The following KIAA1328 variants were observed in gnomAD, a reference collection of about 807,000 sequenced individuals.
The protein encoded by KIAA1328 is protein hinderin.
In KIAA1328, 52 loss-of-function variants were observed where a neutral mutation model predicts 68.1. The ratio of observed to expected loss-of-function variants is 0.76; its 90% confidence interval spans 0.61 to 0.96. The LOEUF (loss-of-function observed/expected upper bound fraction) is 0.96, where lower values mean the gene tolerates loss of function less well. KIAA1328 is among the 40% of genes least tolerant of loss of function. KIAA1328 has a pLI of 0.00. For missense variants in KIAA1328, 641 were observed against 677.6 expected (o/e 0.95, Z 0.60); for synonymous variants, 232 against 239.4 (o/e 0.97, Z 0.28).
chr18:37,171,097 A>T (rs760088734), intron 8 of KIAA1328, among the ~76,000 whole-genome samples: 17 of 152,242 alleles, frequency 1.1e-4, no homozygotes, highest in African/African-American at 4.1e-4. Flanking sequence ...CTACAGTTAA[A>T]ATGAGTAAAT....
At chr18:36,868,565 G>T in intron 4 of KIAA1328, among the ~76,000 whole-genome samples, 1 of 152,106 alleles carries the variant, frequency 6.6e-6, no homozygotes, top group East Asian at 1.9e-4. Context: ...AGGTACCATA[G>T]ACTACCGCAC....
chr18:37,117,300 A>T (rs1352655143), intron 7 of KIAA1328, among the ~76,000 whole-genome samples: 1 of 152,204 alleles, frequency 6.6e-6, no homozygotes, highest in Non-Finnish European at 1.5e-5. Flanking sequence ...ACACCATGGA[A>T]TACTATGCAG....
At chr18:37,075,667 G>C (rs898765126) in intron 7 of KIAA1328, 2 of 152,094 alleles carry the variant, frequency 1.3e-5, no homozygotes, top group Admixed American at 6.6e-5. Context: ...AACAAAAAAA[G>C]GCAGAGGTTG....
intron 6 of KIAA1328, among the ~76,000 whole-genome samples, chr18:37,061,521 C>T (rs2056147015): frequency 6.6e-6 from 1 of 152,150 alleles, no homozygotes; most frequent in African/African-American, 2.4e-5. Context: ...TTCTAAGTTA[C>T]TGTTATATCT....
In KIAA1328 at chr18:37,182,502, A is replaced by C. The variant is rs546293048; in HGVS notation, c.1523+9421A>C. Among the ~76,000 whole-genome samples, 32 of 152,234 alleles carry C rather than the reference A, an allele frequency of 2.1e-4. 1 individual carries two copies. The South Asian group carries it at 3.5e-3, about 17-fold the overall frequency. ...ATGATTAAGTAGGATAGTTTATGTAAAGTACGTAGCACAGGCCTGGTGCAT... is the reference window on the plus strand; with the variant it reads ...ATGATTAAGTAGGATAGTTTATGTACAGTACGTAGCACAGGCCTGGTGCAT... On this transcript the variant is annotated intron_variant, in intron 9 of 9. Transcript: ENST00000280020.
chr18:37,079,261 T>A lies in KIAA1328; in HGVS notation c.1232+11716T>A, dbSNP rs56342712. Among the ~76,000 whole-genome samples, 8 of 111,874 alleles carry A rather than the reference T, an allele frequency of 7.2e-5. 2 individuals carry two copies. The South Asian group carries it at 1.3e-3, about 17-fold the overall frequency. 73.4% of individuals were successfully genotyped at this position (111,874 alleles called of 152,430 possible). A position where few individuals can be genotyped will look rare whatever the true frequency, so the allele number is the denominator to read the frequency against. The stretch of plus-strand genomic sequence containing the variant: ...AACCAAACACTGCATGTTCTCACTC[T>A]TAGGTGGGAATTGAACAATGAGAAC... On this transcript the variant is annotated intron_variant, in intron 7 of 9. Transcript: ENST00000280020.
At chr18:37,058,488 G>A (rs2056012596) in intron 6 of KIAA1328, among the ~76,000 whole-genome samples, 1 of 152,154 alleles carries the variant, frequency 6.6e-6, no homozygotes, top group African/African-American at 2.4e-5. Context: ...CAAGGCAGGT[G>A]GGTTGCCTGT....
chr18:37,083,682 C>G (rs2057015927), intron 7 of KIAA1328, among the ~76,000 whole-genome samples: 1 of 152,136 alleles, frequency 6.6e-6, no homozygotes, highest in South Asian at 2.1e-4. Context: ...AGCTGTACCC[C>G]TAATTCTTTG....
At chr18:37,076,962 G>T (rs1347552515) in intron 7 of KIAA1328, among the ~76,000 whole-genome samples, 1 of 152,064 alleles carries the variant, frequency 6.6e-6, no homozygotes, top group Non-Finnish European at 1.5e-5. Context: ...GAAAAAGAAG[G>T]AATCCTCCCT....
At chr18:37,151,339 A>C (rs1227228447) in intron 7 of KIAA1328, among the ~76,000 whole-genome samples, 1 of 152,178 alleles carries the variant, frequency 6.6e-6, no homozygotes, top group African/African-American at 2.4e-5. Context: ...ATAAATATCA[A>C]AATTTTTTTC....
chr18:36,985,392 G>A (rs535928670), intron 6 of KIAA1328, among the ~76,000 whole-genome samples: 15 of 152,274 alleles, frequency 9.9e-5, no homozygotes, highest in Middle Eastern at 3.4e-3. Context: ...ATATGGAAAT[G>A]TAAAGACCCT....
intron 9 of KIAA1328, among the ~76,000 whole-genome samples, chr18:37,186,094 C>CTTTTTTTTTTT (rs748423012): frequency 1.1e-5 from 1 of 90,434 alleles, no homozygotes; most frequent in African/African-American, 4.6e-5. Flanking sequence ...TCAAGGATGT[C>CTTTTTTTTTTT]TTTTTTTTTT....
chr18:37,026,554 C>G (rs1263046917), intron 6 of KIAA1328, among the ~76,000 whole-genome samples: 1 of 152,122 alleles, frequency 6.6e-6, no homozygotes, highest in African/African-American at 2.4e-5. Context: ...CCCTGGGATG[C>G]AAGACTGGTT....
chr18:37,079,483 TAATAA>T (rs544405058), intron 7 of KIAA1328, among the ~76,000 whole-genome samples: 7 of 149,884 alleles, frequency 4.7e-5, no homozygotes, highest in Non-Finnish European at 7.4e-5. Flanking sequence ...AGTATAATAA[TAATAA>T]AATAAAATAA....
At chr18:36,877,488 C>A (rs927730659) in intron 4 of KIAA1328, among the ~76,000 whole-genome samples, 1 of 149,218 alleles carries the variant, frequency 6.7e-6, no homozygotes, top group African/African-American at 2.5e-5. Flanking sequence ...AATAGGATTG[C>A]AACCCCTGGT....
chr18:36,898,979 T>C (rs1384734744), intron 5 of KIAA1328, among the ~76,000 whole-genome samples: 1 of 151,982 alleles, frequency 6.6e-6, no homozygotes, highest in Non-Finnish European at 1.5e-5. Context: ...TTATGCCCTT[T>C]ATTTGTTTTT....
intron 6 of KIAA1328, among the ~76,000 whole-genome samples, chr18:36,983,426 C>G (rs1398667135): frequency 6.6e-6 from 1 of 151,986 alleles, no homozygotes; most frequent in Non-Finnish European, 1.5e-5. Context: ...GATGTAACTT[C>G]AAAGAGAAGC....
chr18:37,017,092 G>C (rs2054178283), intron 6 of KIAA1328, among the ~76,000 whole-genome samples: 1 of 151,888 alleles, frequency 6.6e-6, no homozygotes, highest in African/African-American at 2.4e-5. Flanking sequence ...AACTTTTTGA[G>C]GTCATTTACG....
chr18:36,999,260 G>A (rs2053503514), intron 6 of KIAA1328, among the ~76,000 whole-genome samples: 1 of 152,054 alleles, frequency 6.6e-6, no homozygotes, highest in Non-Finnish European at 1.5e-5. Flanking sequence ...AAAGAACAAA[G>A]CCTTCAGGAT....
Sources: gnomAD v4.1 joint callset for allele counts (sites outside exome capture counted in the v4.1 genomes callset) on GRCh38, gnomAD v4.1.1 for gene constraint, MANE v1.5 for transcripts, NCBI Gene and HGNC (gene_info 2026-07-23, HGNC 2026-07-21) for gene names.